The following BBX variants were observed in gnomAD, a reference collection of about 807,000 sequenced individuals.
The protein encoded by BBX is BBX high mobility group box domain containing, also known as HMG box transcription factor BBX.
In BBX, 30 loss-of-function variants were observed where a neutral mutation model predicts 100.2. The observed-to-expected ratio is 0.30, with a 90% CI of 0.22 to 0.41. The LOEUF (loss-of-function observed/expected upper bound fraction) is 0.41, where lower values mean the gene tolerates loss of function less well. Ranked by LOEUF, BBX falls within the 10% of genes least tolerant of loss-of-function variation. The pLI, the probability that BBX is intolerant of heterozygous loss-of-function variation, is 1.00. For missense variants in BBX, 1,023 were observed against 1,129.8 expected, an observed-to-expected ratio of 0.91 and a Z score of 1.35; for synonymous variants, 376 against 388.1, an observed-to-expected ratio of 0.97 and a Z score of 0.37.
intron 2 of BBX, among the ~76,000 whole-genome samples, chr3:107,550,934 G>T (rs1286435019): frequency 6.6e-6 from 1 of 152,178 alleles, no homozygotes; most frequent in Admixed American, 6.5e-5. Flanking sequence ...TCAGTGGAAT[G>T]ATTTTGAATG....
intron 7 of BBX, 113 bp downstream of exon 7, chr3:107,733,136 A>T: frequency 2.3e-6 from 2 of 876,208 alleles, no homozygotes; most frequent in Non-Finnish European, 3.5e-6. Context: ...TCATGAACAA[A>T]CTTTATAATC....
chr3:107,527,754 G>T (rs2047882970), intron 2 of BBX, among the ~76,000 whole-genome samples: 2 of 152,202 alleles, frequency 1.3e-5, no homozygotes, highest in Non-Finnish European at 2.9e-5. Flanking sequence ...GTGTCAAAAT[G>T]AGAAGGTTCT....
chr3:107,702,729 A>AT (rs2061155619), intron 3 of BBX, among the ~76,000 whole-genome samples: 1 of 152,250 alleles, frequency 6.6e-6, no homozygotes, highest in Non-Finnish European at 1.5e-5. Context: ...TGGCACAGCC[A>AT]TTAAGTGTTG....
rs955824366 is a variant in BBX at position 107,809,588 on chromosome 3, T to C, written c.*4131T>C. 12 of 152,254 alleles carry C rather than the reference T, an allele frequency of 7.9e-5. No individual in the cohort carries two copies. Among genetic ancestry groups the C allele is most frequent in the African/African-American group, 2.9e-4 (12 of 41,464 alleles). 9.4% of individuals were successfully genotyped at this position (152,254 alleles called of 1,614,324 possible). ...AGTCCTGTTTCAAAAGTTTGTCTTT[T>C]TTTGCTTCTACCTTCAGTGCCACTA... On this transcript the variant is annotated 3_prime_UTR_variant, in exon 18 of 18. Transcript: ENST00000325805.
rs200089703 is a variant in BBX, at chr3:107,774,797, G to T, written c.1994G>T (p.Ser665Ile). 1 of 1,613,622 alleles carries T rather than the reference G, an allele frequency of 6.2e-7. No individual in the cohort carries two copies. The highest frequency in any genetic ancestry group is 1.1e-5 in the South Asian group (1 of 91,074). Residue 665 changes from serine to isoleucine, a missense_variant, in exon 12 of 18, where the codon AGT becomes ATT. Physicochemically the swap from Ser to Ile is moderately radical, Grantham distance 142. Around this residue, in one of 9 missense-constraint regions of BBX, gnomAD observed 215 missense variants for 211.3 expected, o/e 1.02. Transcript: ENST00000325805. ...WNEESWTFSQ[S>I]GTSGSKKFKK... ...GAAGAAAGCTGGACATTTAGTCAGA[G>T]TGGGACCAGTGGGAGCAAGAAGTTC...
chr3:107,660,366 A>G (rs2058380887), intron 3 of BBX, among the ~76,000 whole-genome samples: 1 of 151,998 alleles, frequency 6.6e-6, no homozygotes, highest in Non-Finnish European at 1.5e-5. Flanking sequence ...GAAATTCTTC[A>G]ACTTTAGTCT....
chr3:107,727,307 T>C (rs1177419002), intron 5 of BBX, among the ~76,000 whole-genome samples: 3 of 152,222 alleles, frequency 2.0e-5, no homozygotes, highest in East Asian at 1.9e-4. Context: ...CACTTTCCAC[T>C]TCCAGACAGC....
At chr3:107,609,674 TG>T (rs2054697198) in intron 2 of BBX, among the ~76,000 whole-genome samples, 1 of 152,134 alleles carries the variant, frequency 6.6e-6, no homozygotes, top group Non-Finnish European at 1.5e-5. Flanking sequence ...GTTTTGTAGT[TG>T]GTCACAGTTG....
At chr3:107,587,876 T>C (rs1474581443) in intron 2 of BBX, among the ~76,000 whole-genome samples, 1 of 152,214 alleles carries the variant, frequency 6.6e-6, no homozygotes, top group Non-Finnish European at 1.5e-5. Context: ...TGCATTCATT[T>C]ACTCATCACT....
chr3:107,728,986 A>G (rs1219627790), intron 6 of BBX, 26 bp downstream of exon 6: 1 of 1,605,438 alleles, frequency 6.2e-7, no homozygotes, highest in Non-Finnish European at 8.5e-7. Flanking sequence ...ATTTCCACCT[A>G]TTCTTTAAGG....
At chr3:107,592,242 G>A (rs140328138) in intron 2 of BBX, among the ~76,000 whole-genome samples, 98 of 151,472 alleles carry the variant, frequency 6.5e-4, no homozygotes, top group African/African-American at 2.2e-3. Flanking sequence ...TGGTGCGCAC[G>A]TGTGGTTCCA....
intron 2 of BBX, among the ~76,000 whole-genome samples, chr3:107,637,033 T>C (rs1335138810): frequency 6.6e-6 from 1 of 152,214 alleles, no homozygotes; most frequent in African/African-American, 2.4e-5. Context: ...AATTTTAATA[T>C]AGTTAGAATG....
Position 107,773,180 on chromosome 3 carries a change from A to G in BBX, c.1459A>G (p.Ile487Val), listed in dbSNP as rs1363295816. The change falls in exon 11 of 18, where the codon ATA becomes GTA. Residue 487 changes from isoleucine to valine, a missense_variant. This residue lies in a region of BBX where 348 missense variants were observed against 353.2 expected (regional missense o/e 0.99). Coordinates refer to ENST00000325805, the MANE Select transcript of BBX (RefSeq NM_001142568.3). This position sits in a 1 kb window ranked among gnomAD's most constrained non-coding sequence, Gnocchi z 4.1. ...QSSESDIESV[I>V]YTIEAVAKGD... ...TTCGGAATCTGACATTGAGAGCGTC[A>G]TATATACCATTGAAGCCGTCGCAAA... 3 of 1,614,070 alleles carry G rather than the reference A, an allele frequency of 1.9e-6. No individual in the cohort carries two copies. Among genetic ancestry groups the G allele is most frequent in the Admixed American group, 3.3e-5 (2 of 60,000 alleles).
intron 12 of BBX, among the ~76,000 whole-genome samples, chr3:107,776,765 C>T (rs75459916): frequency 0.022 from 3,325 of 152,180 alleles, 121 homozygotes; most frequent in African/African-American, 0.074. Flanking sequence ...TTATGAGTTA[C>T]GTCTCACATT....
chr3:107,600,905 T>TA (rs1364724737), intron 2 of BBX, among the ~76,000 whole-genome samples: 1 of 152,142 alleles, frequency 6.6e-6, no homozygotes, highest in African/African-American at 2.4e-5. Flanking sequence ...ACATCACAGA[T>TA]ACTGTATTTT....
At chr3:107,568,265 ATTTTTTTT>A (rs36099700) in intron 2 of BBX, among the ~76,000 whole-genome samples, 10 of 131,528 alleles carry the variant, frequency 7.6e-5, no homozygotes, top group Admixed American at 6.2e-4. Flanking sequence ...ATTTTCTGCT[ATTTTTTTT>A]TTTTTTTTTG....
chr3:107,582,675 T>A (rs2052374952), intron 2 of BBX, among the ~76,000 whole-genome samples: 1 of 152,110 alleles, frequency 6.6e-6, no homozygotes, highest in African/African-American at 2.4e-5. Flanking sequence ...CTTCCTGTGT[T>A]AATGTTGTAT....
chr3:107,753,681 C>T (rs1466402912), intron 9 of BBX, among the ~76,000 whole-genome samples: 1 of 152,150 alleles, frequency 6.6e-6, no homozygotes, highest in East Asian at 1.9e-4. Context: ...GAACAAAAAC[C>T]TGCAGTGACA....
intron 5 of BBX, among the ~76,000 whole-genome samples, chr3:107,717,763 T>C (rs1345905382): frequency 1.3e-5 from 2 of 152,156 alleles, no homozygotes; most frequent in African/African-American, 4.8e-5. Context: ...CATTATACAC[T>C]TAAATGTATT....
Sources: gnomAD v4.1 joint callset for allele counts (sites outside exome capture counted in the v4.1 genomes callset) on GRCh38, gnomAD v4.1.1 for gene constraint, gnomAD v4.1.1 regional missense constraint, Gnocchi (gnomAD v3.1) non-coding constraint, MANE v1.5 for transcripts, NCBI Gene and HGNC (gene_info 2026-07-23, HGNC 2026-07-21) for gene names.